Variants in LINGO2 observed in about 807,000 individuals in gnomAD.
LINGO2 encodes the protein leucine-rich repeat and immunoglobulin-like domain-containing nogo receptor-interacting protein 2.
Under a neutral mutation model 30.6 loss-of-function variants are expected in LINGO2, and 14 were observed. That is an observed-to-expected ratio of 0.46 (90% confidence interval 0.30 to 0.72). The LOEUF is 0.72. LINGO2 is among the 30% of genes least tolerant of loss of function. LINGO2 has a pLI of 0.07. For missense variants in LINGO2, 729 were observed against 751.7 expected (o/e 0.97, Z 0.35); for synonymous variants, 317 against 288.5 (o/e 1.10, Z -1.00).
chr9:29,056,574 T>G, the LINGO2 span, among the ~76,000 whole-genome samples: 1 of 152,336 alleles, frequency 6.6e-6, no homozygotes, highest in South Asian at 2.1e-4. Flanking sequence ...TTTCTTTTGC[T>G]CTGCAGAAGC....
At chr9:29,142,486 C>A in the LINGO2 span, among the ~76,000 whole-genome samples, 4 of 151,416 alleles carry the variant, frequency 2.6e-5, no homozygotes, top group South Asian at 2.1e-4. Context: ...TAACTTTATA[C>A]CTTAAAAAAA....
At chr9:28,421,699 T>A (rs78772193) in intron 2 of LINGO2, among the ~76,000 whole-genome samples, 5,550 of 152,134 alleles carry the variant, frequency 0.036, 339 homozygotes, top group African/African-American at 0.12. Flanking sequence ...ACCATCTGCA[T>A]TTAATTGAAA....
chr9:29,001,706 T>TCTCA, the LINGO2 span, among the ~76,000 whole-genome samples: 23 of 152,090 alleles, frequency 1.5e-4, no homozygotes, highest in Admixed American at 1.2e-3. Flanking sequence ...TATTCATGAG[T>TCTCA]CTCACCTAAG....
the LINGO2 span, chr9:27,940,221 A>G: frequency 6.6e-6 from 1 of 152,162 alleles, no homozygotes; most frequent in African/African-American, 2.4e-5. Flanking sequence ...TAATATACAT[A>G]TACTACTTTG....
chr9:29,080,790 C>T, the LINGO2 span, among the ~76,000 whole-genome samples: 29,994 of 151,786 alleles, frequency 0.2, 3,106 homozygotes, highest in African/African-American at 0.24. Context: ...CTAGTTTGAT[C>T]GCACTGTGGT....
intron 5 of LINGO2, among the ~76,000 whole-genome samples, chr9:27,970,504 G>A (rs750220568): frequency 9.2e-6 from 1 of 108,920 alleles, no homozygotes; most frequent in African/African-American, 1.1e-4. Context: ...CCTGCCTTTT[G>A]GGGGGCATTG....
At position 28,089,725 on chromosome 9, in the gene LINGO2, T is replaced by C. The variant is rs143731276; in HGVS notation, c.-86-77320A>G. On this transcript the variant is annotated intron_variant, in intron 4 of 5. Coordinates refer to ENST00000379992, the Ensembl canonical transcript of LINGO2. ...GAAATAACTAAGATCAGAACAGAAC[T>C]GAAGGAAATAGAGACACAAAAAGCC... Among the ~76,000 whole-genome samples, 1,008 of 151,866 alleles carry C rather than the reference T, an allele frequency of 6.6e-3. 12 individuals are homozygous for C. The highest frequency in any genetic ancestry group is 0.022 in the African/African-American group (929 of 41,384).
chr9:28,132,840 G>A (rs1422537556), intron 4 of LINGO2, among the ~76,000 whole-genome samples: 1 of 152,194 alleles, frequency 6.6e-6, no homozygotes, highest in Admixed American at 6.5e-5. Context: ...ACCTTGACCT[G>A]TTTGCTTTCA....
At chr9:28,865,275 G>GT in the LINGO2 span, among the ~76,000 whole-genome samples, 1 of 152,116 alleles carries the variant, frequency 6.6e-6, no homozygotes, top group Admixed American at 6.6e-5. Context: ...AAAATTTGAA[G>GT]TAAGAGAACT....
chr9:29,164,368 C>A, the LINGO2 span, among the ~76,000 whole-genome samples: 1 of 152,152 alleles, frequency 6.6e-6, no homozygotes, highest in Non-Finnish European at 1.5e-5. Flanking sequence ...AATCTCTAGT[C>A]ATTGTCCTGC....
chr9:28,797,392 A>AGG, the LINGO2 span, among the ~76,000 whole-genome samples: 9 of 146,126 alleles, frequency 6.2e-5, no homozygotes, highest in Non-Finnish European at 1.1e-4. Context: ...AGAGAGAGAG[A>AGG]GAGAAAGCCT....
chr9:28,515,461 C>T (rs761047883), intron 1 of LINGO2, among the ~76,000 whole-genome samples: 2 of 152,164 alleles, frequency 1.3e-5, no homozygotes, highest in Admixed American at 6.5e-5. Context: ...CCACCTCGGC[C>T]TCCCAAAGTG....
chr9:29,050,839 G>T, the LINGO2 span, among the ~76,000 whole-genome samples: 1 of 152,080 alleles, frequency 6.6e-6, no homozygotes, highest in African/African-American at 2.4e-5. Flanking sequence ...CCTCAATTTA[G>T]AGAGGAAGAG....
chr9:28,900,974 CA>C, the LINGO2 span, among the ~76,000 whole-genome samples: 1 of 151,928 alleles, frequency 6.6e-6, no homozygotes, highest in Non-Finnish European at 1.5e-5. Flanking sequence ...TTAAAAAAAT[CA>C]AACACAAATC....
Position 28,356,232 on chromosome 9 carries a change from TA to T in LINGO2, c.-246+16603del, listed in dbSNP as rs575384673. The stretch of plus-strand genomic sequence containing the variant: ...TACATTACAGATGTAGAGATTTTTT[TA>T]AAAAAAATCATTGAATATCATGATG... On this transcript the variant is annotated intron_variant, in intron 3 of 5. Transcript: ENST00000379992. Among the ~76,000 whole-genome samples, 262 of 152,134 alleles carry T rather than the reference TA, an allele frequency of 1.7e-3. 1 individual carries two copies. Among genetic ancestry groups the T allele is most frequent in the African/African-American group, 6.1e-3 (254 of 41,512 alleles).
chr9:29,021,520 G>A, the LINGO2 span, among the ~76,000 whole-genome samples: 1 of 152,048 alleles, frequency 6.6e-6, no homozygotes, highest in Non-Finnish European at 1.5e-5. Flanking sequence ...GGCCAGACGT[G>A]GTGGTGGGCA....
intron 4 of LINGO2, among the ~76,000 whole-genome samples, chr9:28,192,087 G>C (rs1819842106): frequency 6.6e-6 from 1 of 151,660 alleles, no homozygotes; most frequent in Non-Finnish European, 1.5e-5. Flanking sequence ...ATTTAATATA[G>C]ACAAACCTAA....
the LINGO2 span, among the ~76,000 whole-genome samples, chr9:28,786,202 A>T: frequency 6.6e-6 from 1 of 152,178 alleles, no homozygotes; most frequent in African/African-American, 2.4e-5. Context: ...CAGAGAAGTT[A>T]CTGTTAACTA....
chr9:29,103,806 C>T, the LINGO2 span, among the ~76,000 whole-genome samples: 2 of 152,024 alleles, frequency 1.3e-5, no homozygotes, highest in African/African-American at 4.8e-5. Flanking sequence ...AACAAATGGC[C>T]ATAATGAAGA....
Sources: allele counts gnomAD v4.1 joint callset (sites outside exome capture counted in the v4.1 genomes callset), GRCh38; gene constraint gnomAD v4.1.1; transcripts MANE v1.5; gene names NCBI Gene and HGNC (gene_info 2026-07-23, HGNC 2026-07-21).